The following EZH2 variants were observed in gnomAD, a reference collection of about 807,000 sequenced individuals.
The protein encoded by EZH2 is histone-lysine N-methyltransferase EZH2.
In EZH2, 18 loss-of-function variants were observed where a neutral mutation model predicts 98.4. The ratio of observed to expected loss-of-function variants is 0.18; its 90% confidence interval spans 0.13 to 0.27. The LOEUF (loss-of-function observed/expected upper bound fraction) is 0.27. Ranked by LOEUF, EZH2 falls within the 10% of genes least tolerant of loss-of-function variation. The pLI is 1.00. For synonymous variants in EZH2, 338 were observed against 312.3 expected (o/e 1.08, Z -0.87); for missense variants, 470 against 935.1 (o/e 0.50, Z 6.49).
intron 1 of EZH2, among the ~76,000 whole-genome samples, chr7:148,881,098 C>T (rs920459006): frequency 6.6e-6 from 1 of 152,176 alleles, no homozygotes; most frequent in Admixed American, 6.5e-5. Context: ...CATATAGAAT[C>T]TATCATGATT....
Position 148,809,957 on chromosome 7 carries a change from A to T in EZH2, c.2029+376T>A, listed in dbSNP as rs1474448994. On this transcript the variant is annotated intron_variant, in intron 17 of 19. Transcript: ENST00000320356. ...GAGAATATCCAGGGGAGTCTGGAAG[A>T]TGGTTGCAAATGCAGTGCTCCTCCC... is the stretch of plus-strand genomic sequence containing the variant. Among the ~76,000 whole-genome samples, 131 of 152,318 alleles carry T rather than the reference A, an allele frequency of 8.6e-4. 1 individual carries two copies. The highest frequency in any genetic ancestry group is 1.0e-4 in the Non-Finnish European group (7 of 68,020).
At chr7:148,834,352 T>TATATATATACACACACACAC (rs1321608007) in intron 3 of EZH2, among the ~76,000 whole-genome samples, 1 of 143,320 alleles carries the variant, frequency 7.0e-6, no homozygotes, top group African/African-American at 2.6e-5. Flanking sequence ...TATATATATA[T>TATATATATACACACACACAC]ACACACACAC....
chr7:148,867,480 TC>T (rs1723084607), intron 1 of EZH2, among the ~76,000 whole-genome samples: 2 of 152,246 alleles, frequency 1.3e-5, no homozygotes, highest in African/African-American at 4.8e-5. Flanking sequence ...AAACTGGTTT[TC>T]TGAGTCTCCA....
rs1182777179 is a variant in EZH2, at chr7:148,814,130, G to A, written c.1680C>T (p.Asn560=). The change falls in exon 15 of 20, where the codon AAC becomes AAT. Residue 560 remains asparagine (N), a synonymous_variant. Coordinates refer to ENST00000320356, the MANE Select transcript of EZH2 (RefSeq NM_004456.5). ...KFCQCSSECQ[N]RFPGCRCKAQ... ...CTTTGCAGCGGCATCCCGGAAAGCG[G>A]TTTTGACCTTCAGAGAGAGGTTTGG... The A allele has an allele frequency of 6.2e-7, 1 of 1,612,854 alleles. No homozygotes were observed.
Position 148,817,248 on chromosome 7 carries a change from A to G in EZH2, c.1384T>C (p.Leu462=). 7 of 1,613,856 alleles carry G rather than the reference A, an allele frequency of 4.3e-6. No individual in the cohort carries two copies. The highest frequency in any genetic ancestry group is 5.9e-6 in the Non-Finnish European group (7 of 1,179,954). Residue 462 remains leucine, a synonymous_variant, in exon 11 of 20, where the codon TTA becomes CTA. Coordinates refer to ENST00000320356, the MANE Select transcript of EZH2 (RefSeq NM_004456.5). ...YYDNFCAIAR[L]IGTKTCRQVY... Reference sequence around the variant, plus strand: ...TGTCTACATGTTTTGGTCCCAATTAACCTAGCAATGGCACAGAAATTGTCA... The same window carrying G: ...TGTCTACATGTTTTGGTCCCAATTAGCCTAGCAATGGCACAGAAATTGTCA...
At position 148,816,741 on chromosome 7, in the gene EZH2, G is replaced by T; in HGVS notation, c.1448C>A (p.Ala483Asp). ...ATCCACATCCTCAGCGGGAGCTGGA[G>T]CTATGATGCTAGATTCTTTGACTCT... ...EFRVKESSII[A>D]PAPAEDVDTP... Residue 483 changes from alanine to aspartate, a missense_variant, in exon 12 of 20, where the codon GCT (alanine) becomes GAT (aspartate). Physicochemically the swap from Ala to Asp is moderately radical, Grantham distance 126. Transcript: ENST00000320356. The T allele has an allele frequency of 6.2e-7, 1 of 1,614,112 alleles. No individual in the cohort carries two copies. Among genetic ancestry groups the T allele is most frequent in the Non-Finnish European group, 8.5e-7 (1 of 1,179,944 alleles).
chr7:148,853,380 C>T (rs1224874106), intron 1 of EZH2, among the ~76,000 whole-genome samples: 4 of 152,150 alleles, frequency 2.6e-5, no homozygotes, highest in Non-Finnish European at 5.9e-5. Flanking sequence ...CCACTGCACT[C>T]CAGCCTAGGC....
At chr7:148,826,425 C>T in intron 8 of EZH2, 29 bp downstream of exon 8, 2 of 1,502,904 alleles carry the variant, frequency 1.3e-6, no homozygotes, top group Non-Finnish European at 1.8e-6. Flanking sequence ...AACATAATTC[C>T]ACAACAAAGA....
intron 1 of EZH2, among the ~76,000 whole-genome samples, chr7:148,869,286 T>G (rs1402946336): frequency 1.3e-5 from 2 of 150,590 alleles, no homozygotes; most frequent in African/African-American, 4.9e-5. Flanking sequence ...AGAAACCAAG[T>G]GCTTAGAATC....
chr7:148,816,556 G>A (rs934817558), intron 12 of EZH2, 128 bp downstream of exon 12: 4 of 640,248 alleles, frequency 6.2e-6, no homozygotes, highest in Non-Finnish European at 1.1e-5. Flanking sequence ...CCATAGTTCT[G>A]TTTTTGATGG....
chr7:148,816,578 T>C, intron 12 of EZH2, 106 bp downstream of exon 12: 1 of 764,450 alleles, frequency 1.3e-6, no homozygotes, highest in Non-Finnish European at 2.2e-6. Context: ...AGTTTAAGGT[T>C]TTTTAAAAAT....
At chr7:148,871,403 T>A (rs1196436913) in intron 1 of EZH2, among the ~76,000 whole-genome samples, 13 of 88,720 alleles carry the variant, frequency 1.5e-4, no homozygotes, top group South Asian at 4.0e-4. Flanking sequence ...GACGAATAAT[T>A]AAAAAAAAAA....
intron 8 of EZH2, among the ~76,000 whole-genome samples, chr7:148,822,571 G>A (rs982027134): frequency 5.3e-5 from 8 of 150,546 alleles, no homozygotes; most frequent in Admixed American, 2.7e-4. Context: ...GAAAAAAATT[G>A]CAACTCATAT....
intron 9 of EZH2, among the ~76,000 whole-genome samples, chr7:148,819,328 G>A (rs918518938): frequency 3.3e-5 from 5 of 152,180 alleles, no homozygotes; most frequent in African/African-American, 9.7e-5. Flanking sequence ...TAGACTTTGT[G>A]GAAGGCATAA....
intron 16 of EZH2, among the ~76,000 whole-genome samples, chr7:148,811,091 C>T (rs1490134953): frequency 2.0e-5 from 3 of 152,018 alleles, no homozygotes; most frequent in Non-Finnish European, 2.9e-5. Flanking sequence ...CCCTGTTGTC[C>T]CTAGACGAGA....
Position 148,827,305 on chromosome 7 carries a change from T to C in EZH2, c.626-39A>G, listed in dbSNP as rs140418133. 9.7e-5 allele frequency: 145 copies of C among 1,499,544 alleles called. No homozygotes were observed. The African/African-American group carries it at 1.6e-3, about 17-fold the overall frequency. 92.9% of individuals were successfully genotyped at this position (1,499,544 alleles called of 1,614,324 possible). On this transcript the variant is annotated intron_variant, in intron 6 of 19. Transcript: ENST00000320356. ...TATGAAAGGAAAAAAAGAATGGAAG[T>C]AAACAAGTTTTTGATCTTTCATTTT...
At chr7:148,838,063 C>CTTTTTTTTTT (rs35838307) in intron 3 of EZH2, among the ~76,000 whole-genome samples, 1 of 100,528 alleles carries the variant, frequency 9.9e-6, no homozygotes, top group Non-Finnish European at 1.9e-5. Context: ...GTTTAGACTC[C>CTTTTTTTTTT]TTTTTTTTTT....
At chr7:148,873,003 C>T (rs1819637840) in intron 1 of EZH2, among the ~76,000 whole-genome samples, 1 of 151,816 alleles carries the variant, frequency 6.6e-6, no homozygotes, top group African/African-American at 2.4e-5. Context: ...TATAAGACCC[C>T]AACTCTACAA....
chr7:148,811,834 T>G, intron 15 of EZH2, 114 bp from the exon 16 acceptor site: 1 of 864,594 alleles, frequency 1.2e-6, no homozygotes, highest in Non-Finnish European at 1.8e-6. Flanking sequence ...CAGACCTGTT[T>G]GTTCTAAGGC....
Sources: gnomAD v4.1 joint callset for allele counts (sites outside exome capture counted in the v4.1 genomes callset) on GRCh38, gnomAD v4.1.1 for gene constraint, MANE v1.5 for transcripts, NCBI Gene and HGNC (gene_info 2026-07-23, HGNC 2026-07-21) for gene names.